Variants in PHACTR2 observed in about 807,000 individuals in gnomAD.
PHACTR2 encodes chromosome 6 open reading frame 56.
A neutral mutation model predicts 76.0 loss-of-function variants in PHACTR2; 30 were observed. That is an observed-to-expected ratio of 0.39 (90% CI 0.30 to 0.54). The LOEUF (loss-of-function observed/expected upper bound fraction) is 0.54. Among genes scored for constraint, PHACTR2 ranks in the 20% least tolerant of loss-of-function variants. PHACTR2 has a pLI of 0.61. For missense variants in PHACTR2, 696 were observed against 781.1 expected (o/e 0.89, Z 1.30); for synonymous variants, 292 against 292.5 (o/e 1.00, Z 0.02).
chr6:143,748,374 A>T (rs1311936424), intron 2 of PHACTR2, among the ~76,000 whole-genome samples: 1 of 152,224 alleles, frequency 6.6e-6, no homozygotes, highest in East Asian at 1.9e-4. Context: ...CTGAAAGCTG[A>T]TTATTCTTAA....
intron 1 of PHACTR2, among the ~76,000 whole-genome samples, chr6:143,576,445 T>G (rs987865069): frequency 4.6e-5 from 7 of 152,272 alleles, no homozygotes; most frequent in Non-Finnish European, 7.3e-5. Flanking sequence ...GATTTTACAT[T>G]TATTTACTTT....
At position 143,739,664 on chromosome 6, in the gene PHACTR2, C is replaced by G. The variant is rs566630591; in HGVS notation, c.215-9321C>G. On this transcript the variant is annotated intron_variant, in intron 2 of 12. Coordinates refer to ENST00000440869, the MANE Select transcript of PHACTR2 (RefSeq NM_001100164.2). This position sits in a 1 kb window ranked among gnomAD's most constrained non-coding sequence, Gnocchi z 4.3. ...GTGTTACACGTAGCACTCAAATCTT[C>G]GCTTCTAATTACTCTCCTGAGATTG... Among the ~76,000 whole-genome samples the G allele has an allele frequency of 6.6e-6, 1 of 152,176 alleles. No homozygotes were observed.
intron 2 of PHACTR2, among the ~76,000 whole-genome samples, chr6:143,721,265 A>T (rs896083591): frequency 6.6e-6 from 1 of 152,218 alleles, no homozygotes; most frequent in African/African-American, 2.4e-5. Context: ...TGTCTCTGGT[A>T]CTGCATTTTT....
Position 143,581,685 on chromosome 6 carries a change from G to C in PHACTR2, c.217+44478G>C, listed in dbSNP as rs9390114. Among the ~76,000 whole-genome samples the C allele has an allele frequency of 0.014, 2,090 of 152,128 alleles. 22 individuals carry two copies. Among genetic ancestry groups the C allele is most frequent in the Middle Eastern group, 0.071 (21 of 294 alleles). On this transcript the variant is annotated intron_variant, in intron 1 of 11. Transcript: ENST00000367584. The surrounding 1 kb of genome is among the most constrained non-coding windows in gnomAD (Gnocchi z 4.5). ...TCTCTACCAAAAAATACGAACATTA[G>C]CTGGACATGGTGGTGGGTGCCTGTA...
intron 5 of PHACTR2, among the ~76,000 whole-genome samples, chr6:143,763,611 A>G (rs1169085933): frequency 1.3e-5 from 2 of 152,194 alleles, no homozygotes; most frequent in Non-Finnish European, 2.9e-5. Context: ...AATTCTAGTT[A>G]TGTATATCTT....
At position 143,589,571 on chromosome 6, in the gene PHACTR2, T is replaced by G. The variant is rs1210384359; in HGVS notation, c.217+52364T>G. Among the ~76,000 whole-genome samples, 2 of 152,230 alleles carry G rather than the reference T, an allele frequency of 1.3e-5. No individual in the cohort carries two copies. The highest frequency in any genetic ancestry group is 4.8e-5 in the African/African-American group (2 of 41,466). On this transcript the variant is annotated intron_variant, in intron 1 of 11. Coordinates refer to the PHACTR2 transcript ENST00000367584. This position sits in a 1 kb window ranked among gnomAD's most constrained non-coding sequence, Gnocchi z 4.4. ...ACAGACTGATACAACTGCCGTCTTG[T>G]ATCCTCAGGTGGTCTTTTCTCTGTG...
Position 143,794,729 on chromosome 6 carries a change from A to T in PHACTR2, c.1845+5819A>T, listed in dbSNP as rs1775787306. On this transcript the variant is annotated intron_variant, in intron 11 of 12. Coordinates refer to ENST00000440869, the MANE Select transcript of PHACTR2 (RefSeq NM_001100164.2). This position sits in a 1 kb window ranked among gnomAD's most constrained non-coding sequence, Gnocchi z 4.1. ...GAATCACTTGAACCCAGGAGACAGA[A>T]GTTGCAGTGAGCTAAGATTATGCCG... is the stretch of plus-strand genomic sequence containing the variant. Among the ~76,000 whole-genome samples the T allele has an allele frequency of 2.6e-5, 4 of 152,234 alleles. No homozygotes were observed. The highest frequency in any genetic ancestry group is 2.6e-4 in the Admixed American group (4 of 15,290).
In PHACTR2 at chr6:143,598,590, G is replaced by C. The variant is rs984601789; in HGVS notation, c.217+61383G>C. Among the ~76,000 whole-genome samples, 5 of 152,330 alleles carry C rather than the reference G, an allele frequency of 3.3e-5. No homozygotes were observed. The highest frequency in any genetic ancestry group is 1.2e-4 in the African/African-American group (5 of 41,566). ...AAAGTAAAAGCAGAAGTGTGGGCCA[G>C]GGAGGGATCGCAGTCATCTGATGGC... On this transcript the variant is annotated intron_variant, in intron 1 of 11. Transcript: ENST00000367584. This position sits in a 1 kb window ranked among gnomAD's most constrained non-coding sequence, Gnocchi z 4.1.
At position 143,678,072 on chromosome 6, in the gene PHACTR2, A is replaced by G. The variant is rs942217822; in HGVS notation, c.-92A>G. 10 of 1,542,178 alleles carry G rather than the reference A, an allele frequency of 6.5e-6. No homozygotes were observed. The highest frequency in any genetic ancestry group is 5.5e-5 in the African/African-American group (4 of 72,156). ...CGGGCCGCTCGGCACAGGCCGGGACATGAACGCCTGGAAGTCTGGCTGGGA... is the reference window on the plus strand; with the variant it reads ...CGGGCCGCTCGGCACAGGCCGGGACGTGAACGCCTGGAAGTCTGGCTGGGA... On this transcript the variant is annotated 5_prime_UTR_variant, in exon 1 of 13. The change abolishes an upstream ATG in the 5' untranslated region. Coordinates refer to ENST00000440869, the MANE Select transcript of PHACTR2 (RefSeq NM_001100164.2). The surrounding 1 kb of genome is among the most constrained non-coding windows in gnomAD (Gnocchi z 6.2).
At position 143,599,693 on chromosome 6, in the gene PHACTR2, T is replaced by C. The variant is rs1775793906; in HGVS notation, c.217+62486T>C. 6.6e-6 allele frequency among the ~76,000 whole-genome samples: 1 copy of C among 152,232 alleles called. No individual in the cohort carries two copies. The highest frequency in any genetic ancestry group is 2.1e-4 in the South Asian group (1 of 4,832). ...GCAAAGGGTGCTTCCCTTGCTAGCC[T>C]ATAAGAACAGCTCATTAAGATCCAA... On this transcript the variant is annotated intron_variant, in intron 1 of 11. Transcript: ENST00000367584. The surrounding 1 kb of genome is among the most constrained non-coding windows in gnomAD (Gnocchi z 4.6).
In PHACTR2 at chr6:143,696,197, G is replaced by C. The variant is rs1263461238; in HGVS notation, c.47-15819G>C. Among the ~76,000 whole-genome samples the C allele has an allele frequency of 6.6e-6, 1 of 152,126 alleles. No individual in the cohort carries two copies. Among genetic ancestry groups the C allele is most frequent in the Non-Finnish European group, 1.5e-5 (1 of 68,032 alleles). On this transcript the variant is annotated intron_variant, in intron 1 of 12. Coordinates refer to ENST00000440869, the MANE Select transcript of PHACTR2 (RefSeq NM_001100164.2). This position sits in a 1 kb window ranked among gnomAD's most constrained non-coding sequence, Gnocchi z 4.1. Reference sequence around the variant, plus strand: ...TCTTTCCTTAATCCAGGGCATTTCTGCTATAGAGTAGTGGGGATTTCCCTC... The same window carrying C: ...TCTTTCCTTAATCCAGGGCATTTCTCCTATAGAGTAGTGGGGATTTCCCTC...
chr6:143,669,030 A>C (rs1172814239), intron 1 of PHACTR2, among the ~76,000 whole-genome samples: 1 of 152,188 alleles, frequency 6.6e-6, no homozygotes. Context: ...TTCCCTCTAC[A>C]CACTGCTTTA....
chr6:143,667,011 G>C (rs1397653616), intron 1 of PHACTR2, among the ~76,000 whole-genome samples: 1 of 152,146 alleles, frequency 6.6e-6, no homozygotes, highest in Non-Finnish European at 1.5e-5. Context: ...ATGGTGTTAG[G>C]TCTTACATTT....
Position 143,822,041 on chromosome 6 carries a change from G to C in PHACTR2, c.1923-1633G>C, listed in dbSNP as rs1776431261. 6.6e-6 allele frequency among the ~76,000 whole-genome samples: 1 copy of C among 152,130 alleles called. No individual in the cohort carries two copies. The highest frequency in any genetic ancestry group is 1.5e-5 in the Non-Finnish European group (1 of 68,014). ...CTGCAAAAAGTAGGTAGAGGAAAGG[G>C]CATTAGCGCAAAAGCCTTTTTGGGG... On this transcript the variant is annotated intron_variant, in intron 12 of 12. Coordinates refer to ENST00000440869, the MANE Select transcript of PHACTR2 (RefSeq NM_001100164.2). The surrounding 1 kb of genome is among the most constrained non-coding windows in gnomAD (Gnocchi z 5.5).
At position 143,608,268 on chromosome 6, in the gene PHACTR2, C is replaced by A; in HGVS notation, c.-42C>A. On this transcript the variant is annotated 5_prime_UTR_variant, in exon 1 of 12. Transcript: ENST00000305766. This position sits in a 1 kb window ranked among gnomAD's most constrained non-coding sequence, Gnocchi z 4.6. ...CGTTAGTCAGAAGAGCCAGGGCTTCCCGGCTGCCAGGCTACAGAACTCGCC... is the reference window on the plus strand; with the variant it reads ...CGTTAGTCAGAAGAGCCAGGGCTTCACGGCTGCCAGGCTACAGAACTCGCC... The A allele has an allele frequency of 6.2e-7, 1 of 1,612,882 alleles. No individual in the cohort carries two copies. The highest frequency in any genetic ancestry group is 8.5e-7 in the Non-Finnish European group (1 of 1,179,052).
At chr6:143,718,929 C>T (rs564902958) in intron 2 of PHACTR2, among the ~76,000 whole-genome samples, 1 of 143,822 alleles carries the variant, frequency 7.0e-6, no homozygotes, top group South Asian at 2.2e-4. Flanking sequence ...GTCATCCAAG[C>T]TGGAGTGCAG....
chr6:143,632,291 TA>T (rs1776375654), intron 1 of PHACTR2, among the ~76,000 whole-genome samples: 1 of 152,332 alleles, frequency 6.6e-6, no homozygotes, highest in African/African-American at 2.4e-5. Flanking sequence ...AGAATAAGAA[TA>T]TTTTTAATAT....
In PHACTR2 at chr6:143,647,527, T is replaced by C. The variant is rs575816089; in HGVS notation, c.13+39205T>C. The stretch of plus-strand genomic sequence containing the variant: ...GTTGCCCTCATGGGCTTGCATTCCA[T>C]TGAGACAGATACATTTCTCAGTGCT... On this transcript the variant is annotated intron_variant, in intron 1 of 11. Coordinates refer to the PHACTR2 transcript ENST00000305766. The surrounding 1 kb of genome is among the most constrained non-coding windows in gnomAD (Gnocchi z 4.2). Among the ~76,000 whole-genome samples, 1 of 152,198 alleles carries C rather than the reference T, an allele frequency of 6.6e-6. No individual in the cohort carries two copies. The highest frequency in any genetic ancestry group is 1.5e-5 in the Non-Finnish European group (1 of 68,032).
intron 1 of PHACTR2, among the ~76,000 whole-genome samples, chr6:143,552,824 A>T (rs1775110688): frequency 6.8e-6 from 1 of 146,836 alleles, no homozygotes; most frequent in Non-Finnish European, 1.5e-5. Context: ...CAGAGGTTGC[A>T]GTGAGCCAAG....
Sources: allele counts gnomAD v4.1 joint callset (sites outside exome capture counted in the v4.1 genomes callset), GRCh38; gene constraint gnomAD v4.1.1; non-coding constraint Gnocchi (gnomAD v3.1); transcripts MANE v1.5; gene names NCBI Gene and HGNC (gene_info 2026-07-23, HGNC 2026-07-21).